The following CNIH3 variants were observed in gnomAD, a reference collection of about 807,000 sequenced individuals.
The protein encoded by CNIH3 is cornichon family AMPA receptor auxiliary protein 3.
Under a neutral mutation model 24.1 loss-of-function variants are expected in CNIH3, and 14 were observed. That is an observed-to-expected ratio of 0.58 (90% confidence interval 0.38 to 0.91). CNIH3 has a LOEUF of 0.91. Among genes scored for constraint, CNIH3 ranks in the 40% least tolerant of loss-of-function variants. The pLI is 0.00. For synonymous variants in CNIH3, 68 were observed against 73.8 expected, an observed-to-expected ratio of 0.92 and a Z score of 0.40; for missense variants, 178 against 196.8, an observed-to-expected ratio of 0.90 and a Z score of 0.57.
chr1:224,590,099 A>G, downstream of CNIH3, among the ~76,000 whole-genome samples: 1 of 151,368 alleles, frequency 6.6e-6, no homozygotes, highest in East Asian at 1.9e-4. Flanking sequence ...CTGGTCTCAA[A>G]CTCCTGACCT....
At chr1:224,735,190 G>A (rs761636337) in intron 5 of CNIH3, among the ~76,000 whole-genome samples, 1 of 152,126 alleles carries the variant, frequency 6.6e-6, no homozygotes, top group Non-Finnish European at 1.5e-5. Flanking sequence ...TCATAAAGTG[G>A]CATTTTGTGT....
chr1:224,682,816 G>T (rs1012332514), intron 2 of CNIH3, among the ~76,000 whole-genome samples: 10 of 152,178 alleles, frequency 6.6e-5, no homozygotes, highest in African/African-American at 1.9e-4. Flanking sequence ...AATTGTTTGG[G>T]CTCAAATTAA....
chr1:224,718,455 T>C (rs1292608967), intron 3 of CNIH3, among the ~76,000 whole-genome samples: 1 of 152,136 alleles, frequency 6.6e-6, no homozygotes, highest in African/African-American at 2.4e-5. Flanking sequence ...GGCCAGATCA[T>C]GTGGGGCCTT....
chr1:224,676,881 AGCCTAACCCC>A (rs1686165873), intron 1 of CNIH3, among the ~76,000 whole-genome samples: 1 of 152,206 alleles, frequency 6.6e-6, no homozygotes, highest in African/African-American at 2.4e-5. Flanking sequence ...AGTGGGGGGT[AGCCTAACCCC>A]TACCTCCTCG....
At chr1:224,646,170 G>T (rs1351354091) in intron 1 of CNIH3, among the ~76,000 whole-genome samples, 2 of 152,208 alleles carry the variant, frequency 1.3e-5, no homozygotes, top group African/African-American at 2.4e-5. Context: ...TTCAATTCAA[G>T]GTCACGTTTG....
intron 3 of CNIH3, among the ~76,000 whole-genome samples, chr1:224,554,584 TG>T (rs979090159): frequency 2.0e-4 from 31 of 151,546 alleles, no homozygotes; most frequent in South Asian, 4.2e-4. Context: ...GTTTTTTTTT[TG>T]TTGTTGTTGT....
intron 3 of CNIH3, among the ~76,000 whole-genome samples, chr1:224,547,925 C>G (rs1377129657): frequency 6.6e-6 from 1 of 151,866 alleles, no homozygotes; most frequent in African/African-American, 2.4e-5. Context: ...AGAGATATTA[C>G]TCCAATATCA....
At chr1:224,618,760 T>C (rs1463132935) in intron 1 of CNIH3, among the ~76,000 whole-genome samples, 1 of 152,180 alleles carries the variant, frequency 6.6e-6, no homozygotes, top group Non-Finnish European at 1.5e-5. Context: ...CAAACATAGA[T>C]ATTTGGGGGA....
At chr1:224,448,398 G>C (rs1416031504) in intron 1 of CNIH3, among the ~76,000 whole-genome samples, 1 of 152,192 alleles carries the variant, frequency 6.6e-6, no homozygotes, top group Non-Finnish European at 1.5e-5. Context: ...AGAGGCTGGG[G>C]TTAAATTAGC....
intron 3 of CNIH3, among the ~76,000 whole-genome samples, chr1:224,714,263 C>A (rs564007055): frequency 6.6e-6 from 1 of 152,158 alleles, no homozygotes; most frequent in African/African-American, 2.4e-5. Flanking sequence ...CCTATTTTTC[C>A]GAGTTTTGTT....
At chr1:224,674,054 A>G (rs1027958473) in intron 1 of CNIH3, among the ~76,000 whole-genome samples, 1 of 152,220 alleles carries the variant, frequency 6.6e-6, no homozygotes, top group African/African-American at 2.4e-5. Flanking sequence ...GTTCTTATGC[A>G]GATCAAGTTA....
chr1:224,739,293 CTCTTTT>C, intron 5 of CNIH3, 30 bp from the exon 6 acceptor site: 1 of 1,561,660 alleles, frequency 6.4e-7, no homozygotes, highest in Admixed American at 1.9e-5. Flanking sequence ...ACACCTTCCT[CTCTTTT>C]TTTTTTTTTT....
chr1:224,483,764 G>C (rs1332331802), intron 1 of CNIH3, among the ~76,000 whole-genome samples: 4 of 152,170 alleles, frequency 2.6e-5, no homozygotes, highest in African/African-American at 9.7e-5. Context: ...TCCTGTGGGG[G>C]ATGACAATCA....
intron 4 of CNIH3, chr1:224,574,840 G>C: frequency 3.2e-6 from 3 of 926,088 alleles, no homozygotes; most frequent in East Asian, 2.4e-5. Context: ...GTGGTTCCCA[G>C]TAACAGTAAC....
chr1:224,443,524 A>C (rs931738714), intron 1 of CNIH3, among the ~76,000 whole-genome samples: 3 of 152,164 alleles, frequency 2.0e-5, no homozygotes, highest in Non-Finnish European at 4.4e-5. Context: ...CAAGACAGGA[A>C]AGGTCAGCTC....
chr1:224,723,948 G>A (rs747944408), intron 3 of CNIH3, among the ~76,000 whole-genome samples: 11 of 152,216 alleles, frequency 7.2e-5, no homozygotes, highest in Non-Finnish European at 1.6e-4. Flanking sequence ...AGACATGATG[G>A]TTCACGCCGC....
At chr1:224,551,550 T>G (rs981801507) in intron 3 of CNIH3, among the ~76,000 whole-genome samples, 1 of 152,134 alleles carries the variant, frequency 6.6e-6, no homozygotes, top group Non-Finnish European at 1.5e-5. Context: ...GTATTAACAT[T>G]GGGTGTAACA....
chr1:224,443,469 TCTAA>T (rs952021873), intron 1 of CNIH3, among the ~76,000 whole-genome samples: 5 of 152,064 alleles, frequency 3.3e-5, no homozygotes, highest in African/African-American at 9.7e-5. Flanking sequence ...GCCACAGATA[TCTAA>T]CTGAGATGAG....
intron 1 of CNIH3, among the ~76,000 whole-genome samples, chr1:224,437,745 A>G (rs1057309593): frequency 6.6e-6 from 1 of 152,336 alleles, no homozygotes; most frequent in East Asian, 1.9e-4. Context: ...TGTTTCAATG[A>G]CAGACACATG....
Sources: gnomAD v4.1 joint callset for allele counts (sites outside exome capture counted in the v4.1 genomes callset) on GRCh38, gnomAD v4.1.1 for gene constraint, MANE v1.5 for transcripts, NCBI Gene and HGNC (gene_info 2026-07-23, HGNC 2026-07-21) for gene names.